Variants in DIP2C observed in about 807,000 individuals in gnomAD.
DIP2C encodes the protein DIP2 acetate--CoA ligase C (putative).
In DIP2C, 33 loss-of-function variants were observed where a neutral mutation model predicts 192.4. The observed-to-expected ratio is 0.17, with a 90% CI of 0.13 to 0.23. The LOEUF (loss-of-function observed/expected upper bound fraction) is 0.23. DIP2C is among the 10% of genes least tolerant of loss of function. The pLI is 1.00. For synonymous variants in DIP2C, 979 were observed against 864.1 expected (o/e 1.13, Z -2.33); for missense variants, 1,537 against 2,110.1 (o/e 0.73, Z 5.32).
At chr10:640,483 G>A (rs1169522703) in intron 1 of DIP2C, among the ~76,000 whole-genome samples, 1 of 152,178 alleles carries the variant, frequency 6.6e-6, no homozygotes, top group Non-Finnish European at 1.5e-5. Flanking sequence ...GCTCCCCTCT[G>A]TTGGTTTCTT....
At chr10:555,209 C>A (rs544322753) in intron 1 of DIP2C, among the ~76,000 whole-genome samples, 113 of 150,874 alleles carry the variant, frequency 7.5e-4, no homozygotes, top group African/African-American at 2.7e-3. Flanking sequence ...TTTTCCCAAG[C>A]CATTACTGAG....
In DIP2C at chr10:417,369, G is replaced by A. The variant is rs1399524978; in HGVS notation, c.740-1481C>T. Among the ~76,000 whole-genome samples the A allele has an allele frequency of 3.3e-5, 5 of 152,160 alleles. No individual in the cohort carries two copies. In the East Asian group the frequency reaches 9.6e-4, roughly 29 times the overall value. ...CCTGGGGAACAAAGGCAAAGGTACA[G>A]ACTTGAAAGACGACAAAGTTACTAA... On this transcript the variant is annotated intron_variant, in intron 6 of 36. Coordinates refer to ENST00000280886, the MANE Select transcript of DIP2C (RefSeq NM_014974.3).
chr10:532,480 G>A (rs57817002), intron 1 of DIP2C, among the ~76,000 whole-genome samples: 33,497 of 134,844 alleles, frequency 0.25, 8,127 homozygotes, highest in African/African-American at 0.6. Flanking sequence ...TTTCCACTGA[G>A]AAGACCTCGT....
At chr10:545,872 G>A (rs1404594568) in intron 1 of DIP2C, among the ~76,000 whole-genome samples, 1 of 152,216 alleles carries the variant, frequency 6.6e-6, no homozygotes, top group Non-Finnish European at 1.5e-5. Flanking sequence ...TCCATCAACA[G>A]ATTAGAAGGT....
rs1467002556 is a variant in DIP2C at position 276,552 on chromosome 10, TTTTCTC to T, written c.*767_*772del. On this transcript the variant is annotated 3_prime_UTR_variant, in exon 37 of 37. Transcript: ENST00000280886. Reference sequence around the variant, plus strand: ...ACAAGACTTTAATATTCTTGAATGTTTTTCTCTTTTATAGTTCTAAAGAGATCAAAA... The same window carrying T: ...ACAAGACTTTAATATTCTTGAATGTTTTTTATAGTTCTAAAGAGATCAAAA... The T allele has an allele frequency of 6.5e-6, 1 of 152,698 alleles. No homozygotes were observed. The allele number at this position is 152,698 out of a possible 1,614,324, so 9.5% of individuals were successfully genotyped here.
At chr10:319,439 G>A (rs537544905) in intron 31 of DIP2C, among the ~76,000 whole-genome samples, 154 of 152,130 alleles carry the variant, frequency 1.0e-3, no homozygotes, top group African/African-American at 2.6e-3. Context: ...AAACAACCGC[G>A]GTCTCTTTTG....
intron 32 of DIP2C, among the ~76,000 whole-genome samples, chr10:305,791 C>T (rs1564530871): frequency 6.6e-6 from 1 of 152,162 alleles, no homozygotes; most frequent in East Asian, 1.9e-4. Context: ...ACTATAGGCA[C>T]ATGCCACCAC....
At chr10:406,847 T>TC (rs1363573525) in intron 9 of DIP2C, among the ~76,000 whole-genome samples, 1 of 152,060 alleles carries the variant, frequency 6.6e-6, no homozygotes, top group Non-Finnish European at 1.5e-5. Context: ...CTGGAGGTAT[T>TC]CTGCAGACCC....
Position 290,853 on chromosome 10 carries a change from CTACTT to C in DIP2C, c.3987-2437_3987-2433del, listed in dbSNP as rs372444508. ...TTCTGCGGCCAATCCTCAGTCATCT[CTACTT>C]TAGGACGTTTGAGATCCTGTCGCTG... On this transcript the variant is annotated intron_variant, in intron 32 of 36. Transcript: ENST00000280886. Among the ~76,000 whole-genome samples the C allele has an allele frequency of 7.9e-5, 12 of 152,354 alleles. No individual in the cohort carries two copies. The South Asian group carries it at 1.2e-3, about 16-fold the overall frequency.
At position 423,045 on chromosome 10, in the gene DIP2C, G is replaced by A. The variant is rs376288982; in HGVS notation, c.395-12C>T. On this transcript the variant is annotated splice_polypyrimidine_tract_variant and intron_variant, in intron 4 of 36. Coordinates refer to ENST00000280886, the MANE Select transcript of DIP2C (RefSeq NM_014974.3). ...GCCAGAAGAGGTATCTGTGTAAGAA[G>A]AAAGGTGATTTGCTGTATGTTGCAG... is the stretch of plus-strand genomic sequence containing the variant. The A allele has an allele frequency of 9.4e-6, 15 of 1,588,590 alleles. No homozygotes were observed. The highest frequency in any genetic ancestry group is 9.4e-5 in the African/African-American group (7 of 74,396).
chr10:379,766 G>C (rs1276441313), intron 17 of DIP2C, among the ~76,000 whole-genome samples: 1 of 152,258 alleles, frequency 6.6e-6, no homozygotes, highest in Non-Finnish European at 1.5e-5. Context: ...TGAAAGCCAA[G>C]CAACCAACCA....
chr10:499,328 CCT>C (rs1006765939), intron 1 of DIP2C, among the ~76,000 whole-genome samples: 1 of 147,570 alleles, frequency 6.8e-6, no homozygotes, highest in Admixed American at 6.7e-5. Flanking sequence ...CTGGGCTCCC[CCT>C]CTGTGGACCG....
chr10:643,181 G>A lies in DIP2C; in HGVS notation c.85+46313C>T, dbSNP rs1391951008. Among the ~76,000 whole-genome samples, 3 of 141,394 alleles carry A rather than the reference G, an allele frequency of 2.1e-5. No homozygotes were observed. The East Asian group carries it at 6.4e-4, about 30-fold the overall frequency. 92.8% of individuals were successfully genotyped at this position (141,394 alleles called of 152,430 possible). A position where few individuals can be genotyped will look rare whatever the true frequency, so the allele number is the denominator to read the frequency against. The stretch of plus-strand genomic sequence containing the variant: ...TGCAGTGACCCAAGATCGCGCCACT[G>A]CACTCCAGCCTGGGCAACAGAGTGA... On this transcript the variant is annotated intron_variant, in intron 1 of 36. Coordinates refer to ENST00000280886, the MANE Select transcript of DIP2C (RefSeq NM_014974.3).
At chr10:424,755 C>T (rs886926734) in intron 4 of DIP2C, among the ~76,000 whole-genome samples, 2 of 152,166 alleles carry the variant, frequency 1.3e-5, no homozygotes, top group African/African-American at 4.8e-5. Context: ...ACCCAGGTGT[C>T]CAGAAGGAGC....
At chr10:475,207 C>G (rs1054538622) in intron 2 of DIP2C, among the ~76,000 whole-genome samples, 2 of 152,316 alleles carry the variant, frequency 1.3e-5, no homozygotes, top group Non-Finnish European at 2.9e-5. Flanking sequence ...TCCTGGACAC[C>G]GTTCTCTGGG....
At chr10:349,078 T>C (rs980481372) in intron 25 of DIP2C, among the ~76,000 whole-genome samples, 1 of 152,258 alleles carries the variant, frequency 6.6e-6, no homozygotes, top group Non-Finnish European at 1.5e-5. Flanking sequence ...AGGTATCTAA[T>C]AACACAAATT....
rs545824369 is a variant in DIP2C, at chr10:556,917, T to C, written c.86-70387A>G. 2.7e-5 allele frequency among the ~76,000 whole-genome samples: 4 copies of C among 146,548 alleles called. No homozygotes were observed. In the South Asian group the frequency reaches 6.3e-4, roughly 23 times the overall value. ...ACCTTCACAGCCCATCAAACCTACA[T>C]GCACTCTCTCCTCTCTCTCTCCAGC... On this transcript the variant is annotated intron_variant, in intron 1 of 36. Coordinates refer to ENST00000280886, the MANE Select transcript of DIP2C (RefSeq NM_014974.3).
chr10:458,025 C>T (rs562292209), intron 3 of DIP2C, among the ~76,000 whole-genome samples: 2 of 152,204 alleles, frequency 1.3e-5, no homozygotes, highest in African/African-American at 4.8e-5. Context: ...GCCACCCGCC[C>T]GAAAGTGCAG....
rs141490488 is a variant in DIP2C at position 300,129 on chromosome 10, T to A, written c.3986+9902A>T. On this transcript the variant is annotated intron_variant, in intron 32 of 36. Coordinates refer to ENST00000280886, the MANE Select transcript of DIP2C (RefSeq NM_014974.3). ...GTTCCTCCAGAAATATAAATAGAAC[T>A]AATGTATGGTTCAGCAATTCCACTT... Among the ~76,000 whole-genome samples the A allele has an allele frequency of 8.5e-3, 1,287 of 152,208 alleles. 33 individuals carry two copies. The highest frequency in any genetic ancestry group is 0.055 in the Admixed American group (845 of 15,288).
Sources: allele counts gnomAD v4.1 joint callset (sites outside exome capture counted in the v4.1 genomes callset), GRCh38; gene constraint gnomAD v4.1.1; transcripts MANE v1.5; gene names NCBI Gene and HGNC (gene_info 2026-07-23, HGNC 2026-07-21).